The following DCLK1 variants were observed in gnomAD, a reference collection of about 807,000 sequenced individuals.
DCLK1 encodes serine/threonine-protein kinase DCLK1.
A neutral mutation model predicts 86.2 loss-of-function variants in DCLK1; 16 were observed. That is an observed-to-expected ratio of 0.19 (90% confidence interval 0.13 to 0.28). DCLK1 has a LOEUF of 0.28. Among genes scored for constraint, DCLK1 ranks in the 10% least tolerant of loss-of-function variants. The probability of loss-of-function intolerance (pLI) is 1.00; values close to 1 mark genes in which losing one functional copy is unlikely to be tolerated. For synonymous variants in DCLK1, 369 were observed against 370.5 expected, an observed-to-expected ratio of 1.00 and a Z score of 0.05; for missense variants, 590 against 940.2, an observed-to-expected ratio of 0.63 and a Z score of 4.87.
chr13:35,811,038 G>A, intron 11 of DCLK1, 70 bp from the exon 12 acceptor site: 1 of 1,588,370 alleles, frequency 6.3e-7, no homozygotes, highest in Admixed American at 1.8e-5. Flanking sequence ...GAAGAAATGA[G>A]GAACACTGTG....
In DCLK1 at chr13:35,958,064, TAGC is replaced by T. The variant is rs1431134010; in HGVS notation, c.724-10610_724-10608del. On this transcript the variant is annotated intron_variant, in intron 3 of 16. Transcript: ENST00000360631. ...CCACCACCATCACCACTATAACCAC[TAGC>T]ACCACCACCACTACTATAACCATCA... Among the ~76,000 whole-genome samples, 43 of 6,516 alleles carry T rather than the reference TAGC, an allele frequency of 6.6e-3. 2 individuals carry two copies. The highest frequency in any genetic ancestry group is 0.015 in the Admixed American group (8 of 530). 4.3% of individuals were successfully genotyped at this position (6,516 alleles called of 152,430 possible). A position where few individuals can be genotyped will look rare whatever the true frequency, so the allele number is the denominator to read the frequency against.
intron 3 of DCLK1, among the ~76,000 whole-genome samples, chr13:35,970,505 GT>G (rs1307039387): frequency 6.6e-6 from 1 of 152,198 alleles, no homozygotes; most frequent in African/African-American, 2.4e-5. Context: ...TGATTAGGCC[GT>G]GATGGTTCAA....
intron 5 of DCLK1, chr13:35,855,974 A>C (rs1041649357): frequency 6.6e-5 from 34 of 512,660 alleles, no homozygotes; most frequent in Non-Finnish European, 8.1e-5. Flanking sequence ...TTCAGTGGCA[A>C]GGTAGGATGT....
intron 4 of DCLK1, among the ~76,000 whole-genome samples, chr13:35,886,654 G>A (rs569291262): frequency 6.6e-6 from 1 of 152,284 alleles, no homozygotes; most frequent in East Asian, 1.9e-4. Context: ...GAAGAAAGCA[G>A]CATGAGAGAA....
Position 35,848,826 on chromosome 13 carries a change from C to G in DCLK1, c.1035+5673G>C, listed in dbSNP as rs933687671. 6.1e-6 allele frequency: 6 copies of G among 985,124 alleles called. No individual in the cohort carries two copies. The Admixed American group carries it at 3.7e-4, about 61-fold the overall frequency. 61.0% of individuals were successfully genotyped at this position (985,124 alleles called of 1,614,324 possible). On this transcript the variant is annotated intron_variant, in intron 6 of 16. Coordinates refer to ENST00000360631, the MANE Select transcript of DCLK1 (RefSeq NM_001330071.2). ...AATACATACTAATCTTTTATGGACCCAACTGTATTAAGTAATGCATTTTAC... is the reference window on the plus strand; with the variant it reads ...AATACATACTAATCTTTTATGGACCGAACTGTATTAAGTAATGCATTTTAC...
intron 5 of DCLK1, among the ~76,000 whole-genome samples, chr13:35,868,597 T>C (rs146868118): frequency 2.0e-5 from 3 of 152,312 alleles, no homozygotes; most frequent in African/African-American, 2.4e-5. Flanking sequence ...TTTAATAGTA[T>C]TGATACTATT....
intron 3 of DCLK1, among the ~76,000 whole-genome samples, chr13:36,092,360 C>T (rs79111603): frequency 0.088 from 13,360 of 152,188 alleles, 828 homozygotes; most frequent in Non-Finnish European, 0.13. Flanking sequence ...TAACACAGTT[C>T]CTAGCACAAC....
At chr13:35,822,308 G>A (rs898520817) in intron 11 of DCLK1, among the ~76,000 whole-genome samples, 44 of 149,616 alleles carry the variant, frequency 2.9e-4, no homozygotes, top group African/African-American at 9.5e-4. Context: ...CACACACTAC[G>A]ATGTCCGGCT....
At chr13:35,938,060 G>A (rs890937804) in intron 4 of DCLK1, among the ~76,000 whole-genome samples, 2 of 152,076 alleles carry the variant, frequency 1.3e-5, no homozygotes, top group African/African-American at 4.8e-5. Context: ...CAAAGACAAG[G>A]GACTATCATT....
chr13:35,820,457 A>G (rs1270130347), intron 11 of DCLK1, among the ~76,000 whole-genome samples: 3 of 152,196 alleles, frequency 2.0e-5, no homozygotes, highest in African/African-American at 7.2e-5. Flanking sequence ...AGCATAATAC[A>G]TTAGAAGTAT....
intron 4 of DCLK1, among the ~76,000 whole-genome samples, chr13:35,916,713 G>A (rs1875434682): frequency 6.6e-6 from 1 of 152,018 alleles, no homozygotes; most frequent in Non-Finnish European, 1.5e-5. Context: ...ACACATGCAT[G>A]CATACATATT....
At position 36,104,254 on chromosome 13, in the gene DCLK1, G is replaced by A. The variant is rs183761470; in HGVS notation, c.723+7615C>T. Among the ~76,000 whole-genome samples, 642 of 152,266 alleles carry A rather than the reference G, an allele frequency of 4.2e-3. 5 individuals are homozygous for A. Among genetic ancestry groups the A allele is most frequent in the African/African-American group, 0.014 (580 of 41,554 alleles). On this transcript the variant is annotated intron_variant, in intron 3 of 16. Transcript: ENST00000360631. ...AATACTGGAGCCATATGCTAATGCCGAGTGGATAGACCACAGCAAACTGGT... is the reference window on the plus strand; with the variant it reads ...AATACTGGAGCCATATGCTAATGCCAAGTGGATAGACCACAGCAAACTGGT...
chr13:35,980,837 G>A (rs1879602155), intron 3 of DCLK1, among the ~76,000 whole-genome samples: 1 of 151,640 alleles, frequency 6.6e-6, no homozygotes, highest in Non-Finnish European at 1.5e-5. Context: ...GTAATTTTTT[G>A]TTTAAAGAAG....
intron 5 of DCLK1, among the ~76,000 whole-genome samples, chr13:35,869,780 T>C (rs1449386330): frequency 1.3e-5 from 2 of 152,218 alleles, no homozygotes; most frequent in African/African-American, 4.8e-5. Flanking sequence ...TAACAAGTGC[T>C]CAGGTGATGG....
At chr13:36,070,955 T>C (rs1883952993) in intron 3 of DCLK1, among the ~76,000 whole-genome samples, 1 of 152,138 alleles carries the variant, frequency 6.6e-6, no homozygotes, top group Admixed American at 6.5e-5. Context: ...CCCATCTTTA[T>C]AAAGAGACCT....
chr13:35,808,110 G>T, intron 14 of DCLK1, 114 bp downstream of exon 14: 2 of 1,018,680 alleles, frequency 2.0e-6, no homozygotes, highest in Non-Finnish European at 3.0e-6. Flanking sequence ...CAACTAAAAT[G>T]TGTACAGAAA....
At position 35,793,493 on chromosome 13, in the gene DCLK1, A is replaced by T; in HGVS notation, c.1945-14T>A. On this transcript the variant is annotated splice_polypyrimidine_tract_variant and intron_variant, in intron 15 of 16. Coordinates refer to ENST00000360631, the MANE Select transcript of DCLK1 (RefSeq NM_001330071.2). ...GAGGCCATCATCCTGGAGAAAAAGAAATAAAGAGAAGAGAAAAAGAAAGAA... is the reference window on the plus strand; with the variant it reads ...GAGGCCATCATCCTGGAGAAAAAGATATAAAGAGAAGAGAAAAAGAAAGAA... 1 of 1,576,288 alleles carries T rather than the reference A, an allele frequency of 6.3e-7. No homozygotes were observed. Among genetic ancestry groups the T allele is most frequent in the Non-Finnish European group, 8.6e-7 (1 of 1,160,352 alleles).
At chr13:36,086,932 C>T (rs948050406) in intron 3 of DCLK1, among the ~76,000 whole-genome samples, 4 of 152,124 alleles carry the variant, frequency 2.6e-5, no homozygotes, top group African/African-American at 4.8e-5. Context: ...AATAAACATA[C>T]GTGTGCATGC....
intron 3 of DCLK1, among the ~76,000 whole-genome samples, chr13:36,095,937 C>T (rs1453913396): frequency 1.3e-5 from 2 of 152,074 alleles, no homozygotes; most frequent in Admixed American, 6.5e-5. Context: ...AAGGAAATTA[C>T]AATAAACCAT....
Sources: gnomAD v4.1 joint callset for allele counts (sites outside exome capture counted in the v4.1 genomes callset) on GRCh38, gnomAD v4.1.1 for gene constraint, MANE v1.5 for transcripts, NCBI Gene and HGNC (gene_info 2026-07-23, HGNC 2026-07-21) for gene names.